Variants in DLEU7 observed in about 807,000 individuals in gnomAD.
The protein encoded by DLEU7 is leukemia-associated protein 7.
A neutral mutation model predicts 16.0 loss-of-function variants in DLEU7; 17 were observed. The ratio of observed to expected loss-of-function variants is 1.06; its 90% CI spans 0.73 to 1.59. The LOEUF is 1.59. Among genes scored for constraint, DLEU7 ranks in the 40% most tolerant of loss-of-function variants. The pLI is 0.00. For missense variants in DLEU7, 308 were observed against 314.9 expected, an observed-to-expected ratio of 0.98 and a Z score of 0.17; for synonymous variants, 113 against 139.8, an observed-to-expected ratio of 0.81 and a Z score of 1.35.
intron 1 of DLEU7, among the ~76,000 whole-genome samples, chr13:50,743,341 A>C (rs1015577055): frequency 1.3e-5 from 2 of 152,160 alleles, no homozygotes; most frequent in African/African-American, 2.4e-5. Context: ...GTCCCTGTGA[A>C]TGTCTTTATA....
At chr13:50,738,960 A>AAAACAC (rs1257555565) in intron 1 of DLEU7, among the ~76,000 whole-genome samples, 1 of 113,292 alleles carries the variant, frequency 8.8e-6, no homozygotes, top group Non-Finnish European at 1.9e-5. Flanking sequence ...TCTAAAAAAT[A>AAAACAC]ATACACACAC....
At position 50,828,268 on chromosome 13, in the gene DLEU7, T is replaced by A. The variant is rs141852856; in HGVS notation, c.460-4748A>T. Among the ~76,000 whole-genome samples the A allele has an allele frequency of 3.1e-3, 467 of 152,302 alleles. 3 individuals carry two copies. Among genetic ancestry groups the A allele is most frequent in the African/African-American group, 0.01 (435 of 41,564 alleles). On this transcript the variant is annotated intron_variant, in intron 1 of 1. Transcript: ENST00000504404. ...CATATGTGGACTATTTATAAAGCTG[T>A]CTATATTATAATGTCACAAAGCAAA... is the stretch of plus-strand genomic sequence containing the variant.
intron 1 of DLEU7, among the ~76,000 whole-genome samples, chr13:50,836,003 ACT>A (rs1368318012): frequency 7.9e-5 from 12 of 152,320 alleles, no homozygotes; most frequent in South Asian, 6.2e-4. Context: ...GACTTAATAG[ACT>A]CTAAAATGCA....
chr13:50,771,823 A>G (rs1875324615), intron 1 of DLEU7, among the ~76,000 whole-genome samples: 1 of 152,052 alleles, frequency 6.6e-6, no homozygotes, highest in African/African-American at 2.4e-5. Context: ...TATCCTTGTT[A>G]ACTTGCTGTC....
intron 1 of DLEU7, among the ~76,000 whole-genome samples, chr13:50,767,421 A>AGT (rs1875151658): frequency 7.4e-6 from 1 of 134,968 alleles, no homozygotes; most frequent in Non-Finnish European, 1.5e-5. Flanking sequence ...GCGCCACTGC[A>AGT]CTCCAGCCTG....
chr13:50,814,279 T>A (rs895561740), intron 1 of DLEU7, among the ~76,000 whole-genome samples: 1 of 152,050 alleles, frequency 6.6e-6, no homozygotes, highest in Non-Finnish European at 1.5e-5. Context: ...GATAAAATGC[T>A]GAGCAACCCA....
rs183108571 is a variant in DLEU7, at chr13:50,802,589, C to G, written c.459+40599G>C. Reference sequence around the variant, plus strand: ...GAATAAAATTTTCTCCATGGTTGTTCTTGTTTCAATGCCCTCAAAAACTAA... The same window carrying G: ...GAATAAAATTTTCTCCATGGTTGTTGTTGTTTCAATGCCCTCAAAAACTAA... On this transcript the variant is annotated intron_variant, in intron 1 of 1. Coordinates refer to the DLEU7 transcript ENST00000400393. Among the ~76,000 whole-genome samples the G allele has an allele frequency of 1.7e-3, 254 of 152,180 alleles. 1 individual carries two copies. The highest frequency in any genetic ancestry group is 5.9e-3 in the African/African-American group (244 of 41,530).
chr13:50,759,613 GTCT>G (rs1874866558), intron 1 of DLEU7, among the ~76,000 whole-genome samples: 1 of 152,178 alleles, frequency 6.6e-6, no homozygotes, highest in African/African-American at 2.4e-5. Context: ...AGTGATAGTA[GTCT>G]TCTTATTCAG....
intron 1 of DLEU7, among the ~76,000 whole-genome samples, chr13:50,751,763 G>A (rs1011186309): frequency 7.2e-5 from 11 of 152,128 alleles, no homozygotes; most frequent in Admixed American, 1.3e-4. Context: ...GTATTTCAGC[G>A]ATGTCAGTTA....
chr13:50,815,085 T>C (rs528656980), intron 1 of DLEU7, among the ~76,000 whole-genome samples: 36 of 152,272 alleles, frequency 2.4e-4, no homozygotes, highest in African/African-American at 7.7e-4. Context: ...TTTGGCAAAC[T>C]GTTTTTCACT....
chr13:50,762,952 C>T (rs1874982835), intron 1 of DLEU7, among the ~76,000 whole-genome samples: 1 of 152,148 alleles, frequency 6.6e-6, no homozygotes, highest in African/African-American at 2.4e-5. Context: ...GTGCCTCCAA[C>T]TGGTGGAGAG....
At chr13:50,740,664 T>C (rs1369152597) in intron 1 of DLEU7, among the ~76,000 whole-genome samples, 1 of 152,164 alleles carries the variant, frequency 6.6e-6, no homozygotes, top group African/African-American at 2.4e-5. Context: ...AGGAAGCCTA[T>C]ATGAGGCGAT....
intron 1 of DLEU7, among the ~76,000 whole-genome samples, chr13:50,730,033 G>GA (rs997239211): frequency 4.0e-5 from 6 of 150,638 alleles, no homozygotes; most frequent in Admixed American, 6.6e-5. Context: ...GAGTAAGCTA[G>GA]AAAAAAAAAG....
intron 1 of DLEU7, among the ~76,000 whole-genome samples, chr13:50,751,658 A>G (rs934106616): frequency 6.6e-6 from 1 of 152,176 alleles, no homozygotes; most frequent in African/African-American, 2.4e-5. Flanking sequence ...GAATTAAGCT[A>G]GGAGGGCTCT....
intron 1 of DLEU7, among the ~76,000 whole-genome samples, chr13:50,798,365 ATTTAC>A (rs1337366541): frequency 6.6e-6 from 1 of 152,224 alleles, no homozygotes; most frequent in African/African-American, 2.4e-5. Context: ...ATTTTTGGTT[ATTTAC>A]TTTAATTTTT....
chr13:50,811,129 C>T (rs1040917771), intron 1 of DLEU7, among the ~76,000 whole-genome samples: 56 of 152,142 alleles, frequency 3.7e-4, no homozygotes, highest in Admixed American at 6.5e-5. Flanking sequence ...CCTACTTTTG[C>T]TTGTCAGGGC....
At chr13:50,743,567 A>C (rs906020372) in intron 1 of DLEU7, among the ~76,000 whole-genome samples, 8 of 152,178 alleles carry the variant, frequency 5.3e-5, no homozygotes, top group Non-Finnish European at 7.4e-5. Flanking sequence ...AAAAGGAATA[A>C]AAAGTATGTT....
At chr13:50,817,069 G>A (rs1003145317) in intron 1 of DLEU7, among the ~76,000 whole-genome samples, 2 of 151,936 alleles carry the variant, frequency 1.3e-5, no homozygotes, top group Non-Finnish European at 2.9e-5. Context: ...CTGTGAATTG[G>A]TTTTTCTGCC....
chr13:50,790,466 C>T (rs112562049), intron 1 of DLEU7, among the ~76,000 whole-genome samples: 1 of 129,284 alleles, frequency 7.7e-6, no homozygotes, highest in African/African-American at 2.9e-5. Context: ...GTAACACTCT[C>T]CGTTTAAGGA....
Sources: gnomAD v4.1 joint callset for allele counts (sites outside exome capture counted in the v4.1 genomes callset) on GRCh38, gnomAD v4.1.1 for gene constraint, MANE v1.5 for transcripts, NCBI Gene and HGNC (gene_info 2026-07-23, HGNC 2026-07-21) for gene names.